The following MAML3 variants were observed in gnomAD, a reference collection of about 807,000 sequenced individuals.
The protein encoded by MAML3 is mastermind like transcriptional coactivator 3.
MAML3 carries 27 observed loss-of-function variants against 101.9 expected under a neutral mutation model. That is an observed-to-expected ratio of 0.27 (90% confidence interval 0.20 to 0.37). The LOEUF is 0.37. Ranked by LOEUF, MAML3 falls within the 10% of genes least tolerant of loss-of-function variation. The pLI is 1.00. For missense variants in MAML3, 1,316 were observed against 1,444.9 expected (o/e 0.91, Z 1.45); for synonymous variants, 501 against 555.9 (o/e 0.90, Z 1.39).
At chr4:140,059,826 T>C (rs2110935905) in intron 1 of MAML3, among the ~76,000 whole-genome samples, 1 of 152,294 alleles carries the variant, frequency 6.6e-6, no homozygotes, top group East Asian at 1.9e-4. Context: ...TCTATAGCAT[T>C]ATAATGGCAA....
At chr4:140,129,696 G>A (rs904758897) in intron 1 of MAML3, among the ~76,000 whole-genome samples, 7 of 152,150 alleles carry the variant, frequency 4.6e-5, no homozygotes, top group Admixed American at 2.0e-4. Flanking sequence ...GCCGGGCGCG[G>A]TGGCTCATGC....
In MAML3 at chr4:139,890,023, C is replaced by T; in HGVS notation, c.1413G>A (p.Met471Ile). 6.2e-7 allele frequency: 1 copy of T among 1,608,896 alleles called. No individual in the cohort carries two copies. Among genetic ancestry groups the T allele is most frequent in the Non-Finnish European group, 8.5e-7 (1 of 1,177,278 alleles). ...DMSPAEQLKQ[M>I]AAQQQQRAKL... ...TGGCCCTTTGTTGCTGCTGTGCAGC[C>T]ATCTGTTTGAGCTGTTCTGCTGGAG... is the stretch of plus-strand genomic sequence containing the variant. The change falls in exon 2 of 5, where the codon ATG becomes ATA. Residue 471 changes from methionine to isoleucine, a missense_variant. Coordinates refer to ENST00000509479, the MANE Select transcript of MAML3 (RefSeq NM_018717.5). This position sits in a 1 kb window ranked among gnomAD's most constrained non-coding sequence, Gnocchi z 4.1.
At chr4:139,747,959 C>T (rs1315129175) in intron 2 of MAML3, among the ~76,000 whole-genome samples, 1 of 146,672 alleles carries the variant, frequency 6.8e-6, no homozygotes, top group African/African-American at 2.5e-5. Context: ...GAGGCTGAGG[C>T]AGGAGAATTG....
chr4:139,830,410 A>ATTTTTTTTT lies in MAML3; in HGVS notation c.2079+58938_2079+58946dup, dbSNP rs1157293904. The stretch of plus-strand genomic sequence containing the variant: ...AATAAATACTTTTGCACGCTGTGCT[A>ATTTTTTTTT]TTTTTTTTTTTTTTTTTTTTTTGAG... On this transcript the variant is annotated intron_variant, in intron 2 of 4. Coordinates refer to ENST00000509479, the MANE Select transcript of MAML3 (RefSeq NM_018717.5). Among the ~76,000 whole-genome samples the ATTTTTTTTT allele has an allele frequency of 5.7e-4, 69 of 121,286 alleles. 1 individual carries two copies. The highest frequency in any genetic ancestry group is 2.3e-3 in the African/African-American group (59 of 25,924). 79.6% of individuals were successfully genotyped at this position (121,286 alleles called of 152,430 possible). A position where few individuals can be genotyped will look rare whatever the true frequency, so the allele number is the denominator to read the frequency against.
chr4:140,053,674 G>T (rs1324528752), intron 1 of MAML3, among the ~76,000 whole-genome samples: 1 of 152,140 alleles, frequency 6.6e-6, no homozygotes, highest in Non-Finnish European at 1.5e-5. Flanking sequence ...GAGCCATTTA[G>T]TAAATATTTT....
chr4:139,834,725 G>A (rs1031202332), intron 2 of MAML3, among the ~76,000 whole-genome samples: 3 of 152,192 alleles, frequency 2.0e-5, no homozygotes, highest in Non-Finnish European at 2.9e-5. Flanking sequence ...ATGAAGCAGT[G>A]CATTTAATTG....
intron 2 of MAML3, among the ~76,000 whole-genome samples, chr4:139,798,744 A>T (rs1392240367): frequency 2.0e-5 from 3 of 152,226 alleles, no homozygotes; most frequent in Non-Finnish European, 1.5e-5. Context: ...AGAGACTGAC[A>T]TTCTGCCAGT....
At position 140,148,142 on chromosome 4, in the gene MAML3, T is replaced by C. The variant is rs139110879; in HGVS notation, c.468+4718A>G. Among the ~76,000 whole-genome samples the C allele has an allele frequency of 5.5e-3, 834 of 152,300 alleles. 10 individuals carry two copies. The highest frequency in any genetic ancestry group is 9.3e-3 in the Non-Finnish European group (632 of 68,024). The stretch of plus-strand genomic sequence containing the variant: ...TACAGGACTGCCCATTTTTCTCCTA[T>C]CAGGTGGCAGAAATCCTAAAAAAGA... On this transcript the variant is annotated intron_variant, in intron 1 of 4. Coordinates refer to ENST00000509479, the MANE Select transcript of MAML3 (RefSeq NM_018717.5).
chr4:140,029,428 C>T (rs933724961), intron 1 of MAML3, among the ~76,000 whole-genome samples: 2 of 152,140 alleles, frequency 1.3e-5, no homozygotes, highest in African/African-American at 4.8e-5. Context: ...TTAAGTACAT[C>T]CCCTCCTTCT....
chr4:139,764,359 C>A (rs1337370251), intron 2 of MAML3, among the ~76,000 whole-genome samples: 1 of 152,222 alleles, frequency 6.6e-6, no homozygotes, highest in Non-Finnish European at 1.5e-5. Flanking sequence ...ACATGCCTGG[C>A]AAGGCTGCTT....
chr4:139,909,299 C>T (rs1445133288), intron 1 of MAML3, among the ~76,000 whole-genome samples: 1 of 152,152 alleles, frequency 6.6e-6, no homozygotes, highest in African/African-American at 2.4e-5. Flanking sequence ...ATTACTCAGC[C>T]CTCTGCAGTG....
intron 1 of MAML3, among the ~76,000 whole-genome samples, chr4:140,077,590 A>G (rs1207776595): frequency 6.6e-6 from 1 of 152,248 alleles, no homozygotes; most frequent in Non-Finnish European, 1.5e-5. Flanking sequence ...CTGATGATAG[A>G]TAGTAACTAT....
chr4:139,935,791 C>T (rs1733496384), intron 1 of MAML3, among the ~76,000 whole-genome samples: 1 of 152,124 alleles, frequency 6.6e-6, no homozygotes, highest in Non-Finnish European at 1.5e-5. Flanking sequence ...AGGTGCACAA[C>T]ATGATGTTTT....
Position 139,719,970 on chromosome 4 carries a change from C to A in MAML3, c.2770G>T (p.Ala924Ser), listed in dbSNP as rs778354868. The change falls in exon 5 of 5, where the codon GCC becomes TCC. Residue 924 changes from alanine to serine, a missense_variant. By Grantham distance (99) the Ala-to-Ser change is moderately conservative. Coordinates refer to ENST00000509479, the MANE Select transcript of MAML3 (RefSeq NM_018717.5). ...GFGQSMLVNSAITQQHPQMKG... is the reference protein window; with the variant it reads ...GFGQSMLVNSSITQQHPQMKG... ...ATCTGTGGATGTTGCTGGGTAATGG[C>A]TGAGTTCACCAGCATGCTCTGACCA... The A allele has an allele frequency of 1.4e-5, 22 of 1,613,976 alleles. No homozygotes were observed. The highest frequency in any genetic ancestry group is 1.8e-5 in the Non-Finnish European group (21 of 1,179,924).
chr4:140,105,706 C>T (rs1011151622), intron 1 of MAML3, among the ~76,000 whole-genome samples: 1 of 152,044 alleles, frequency 6.6e-6, no homozygotes, highest in African/African-American at 2.4e-5. Context: ...TGGGAAGTTG[C>T]CTGTGGGGGA....
intron 1 of MAML3, among the ~76,000 whole-genome samples, chr4:140,093,267 C>A (rs35518468): frequency 1.9e-4 from 29 of 152,232 alleles, no homozygotes; most frequent in Non-Finnish European, 3.8e-4. Context: ...AAAAAAATTT[C>A]TTCAAGGCAC....
chr4:140,107,668 C>T (rs1728375074), intron 1 of MAML3, among the ~76,000 whole-genome samples: 1 of 151,868 alleles, frequency 6.6e-6, no homozygotes, highest in Non-Finnish European at 1.5e-5. Context: ...CCACACATGG[C>T]TAATTTTTGT....
intron 2 of MAML3, among the ~76,000 whole-genome samples, chr4:139,806,439 T>C (rs769313774): frequency 1.3e-5 from 2 of 152,110 alleles, no homozygotes; most frequent in Admixed American, 1.3e-4. Flanking sequence ...CACTATTATA[T>C]TGGAAAAAAA....
At chr4:140,049,179 A>G (rs1290769189) in intron 1 of MAML3, among the ~76,000 whole-genome samples, 3 of 152,120 alleles carry the variant, frequency 2.0e-5, no homozygotes, top group Admixed American at 1.3e-4. Context: ...CATTTATCGC[A>G]AGTACAGCAA....
Sources: gnomAD v4.1 joint callset for allele counts (sites outside exome capture counted in the v4.1 genomes callset) on GRCh38, gnomAD v4.1.1 for gene constraint, Gnocchi (gnomAD v3.1) non-coding constraint, MANE v1.5 for transcripts, NCBI Gene and HGNC (gene_info 2026-07-23, HGNC 2026-07-21) for gene names.